Variants in TMEM117 observed in about 807,000 individuals in gnomAD.
TMEM117 encodes the protein transmembrane protein 117.
TMEM117 carries 27 observed loss-of-function variants against 52.4 expected under a neutral mutation model. The observed-to-expected ratio is 0.51, with a 90% CI of 0.38 to 0.71. The LOEUF is 0.71. Ranked by LOEUF, TMEM117 falls within the 30% of genes least tolerant of loss-of-function variation. TMEM117 has a pLI of 0.00. For missense variants in TMEM117, 556 were observed against 630.5 expected (o/e 0.88, Z 1.26); for synonymous variants, 215 against 206.3 (o/e 1.04, Z -0.36).
intron 5 of TMEM117, among the ~76,000 whole-genome samples, chr12:44,247,408 A>G (rs1419905153): frequency 6.6e-6 from 1 of 152,222 alleles, no homozygotes; most frequent in Non-Finnish European, 1.5e-5. Context: ...CCAGAGAAAC[A>G]AGGATATATT....
chr12:43,977,425 A>G (rs1448794518), intron 3 of TMEM117, among the ~76,000 whole-genome samples: 2 of 152,152 alleles, frequency 1.3e-5, no homozygotes, highest in Admixed American at 1.3e-4. Context: ...CTGAGGGGGT[A>G]TGAACACAAG....
chr12:44,398,485 A>G, the TMEM117 span, among the ~76,000 whole-genome samples: 1 of 152,172 alleles, frequency 6.6e-6, no homozygotes, highest in Non-Finnish European at 1.5e-5. Flanking sequence ...CCTCCAATCA[A>G]ATGGTCTCGG....
intron 4 of TMEM117, among the ~76,000 whole-genome samples, chr12:44,208,216 A>C (rs1203728174): frequency 6.6e-6 from 1 of 152,118 alleles, no homozygotes; most frequent in Non-Finnish European, 1.5e-5. Context: ...ATTGTACAAT[A>C]TGTATTCTAA....
chr12:44,141,545 G>A (rs759366656), intron 3 of TMEM117, among the ~76,000 whole-genome samples: 1 of 152,038 alleles, frequency 6.6e-6, no homozygotes, highest in Non-Finnish European at 1.5e-5. Context: ...TTATACAAAT[G>A]TATGCAATTA....
chr12:44,123,760 G>A (rs1948276027), intron 3 of TMEM117, among the ~76,000 whole-genome samples: 1 of 152,074 alleles, frequency 6.6e-6, no homozygotes, highest in Admixed American at 6.6e-5. Context: ...ATTGGTATAT[G>A]TGTCCGTTTT....
chr12:43,846,566 C>T (rs536719005), intron 2 of TMEM117, among the ~76,000 whole-genome samples: 1 of 152,164 alleles, frequency 6.6e-6, no homozygotes, highest in East Asian at 1.9e-4. Context: ...ATGCCAGACA[C>T]AATTCTAGAC....
At chr12:44,268,157 A>G (rs1166056491) in intron 5 of TMEM117, among the ~76,000 whole-genome samples, 1 of 147,352 alleles carries the variant, frequency 6.8e-6, no homozygotes, top group East Asian at 2.0e-4. Flanking sequence ...TTTTTTTTTG[A>G]GACAGAGTCT....
downstream of TMEM117, among the ~76,000 whole-genome samples, chr12:44,393,269 C>T (rs2138884671): frequency 6.6e-6 from 1 of 152,168 alleles, no homozygotes; most frequent in East Asian, 1.9e-4. Context: ...ACTTACATAA[C>T]TGAGAAAGAC....
rs542660848 is a variant in TMEM117, at chr12:44,051,115, A to G, written c.411-92410A>G. Among the ~76,000 whole-genome samples the G allele has an allele frequency of 1.6e-4, 24 of 152,324 alleles. No homozygotes were observed. In the Middle Eastern group the frequency reaches 0.014, roughly 86 times the overall value. ...CATTTCCAAGTGTGTTGCCAACTGC[A>G]TATAAAATTCAGAGTGGGAAGCTCA... is the stretch of plus-strand genomic sequence containing the variant. On this transcript the variant is annotated intron_variant, in intron 3 of 7. Coordinates refer to ENST00000266534, the MANE Select transcript of TMEM117 (RefSeq NM_032256.3).
chr12:43,887,850 GTGGC>G (rs1350068378), intron 2 of TMEM117, among the ~76,000 whole-genome samples: 1 of 152,218 alleles, frequency 6.6e-6, no homozygotes, highest in African/African-American at 2.4e-5. Flanking sequence ...GAAAGGGGCT[GTGGC>G]TGTAAGAGTA....
At chr12:44,014,644 G>A (rs1238762857) in intron 3 of TMEM117, among the ~76,000 whole-genome samples, 1 of 152,072 alleles carries the variant, frequency 6.6e-6, no homozygotes, top group Non-Finnish European at 1.5e-5. Context: ...TCCACAGGTG[G>A]TGTACTCTCT....
intron 1 of TMEM117, 25 bp downstream of exon 1, chr12:43,836,221 G>C (rs888466928): frequency 2.0e-5 from 3 of 152,236 alleles, no homozygotes; most frequent in African/African-American, 7.2e-5. Flanking sequence ...CCGGGCGTTG[G>C]GCGAGCCTCC....
intron 4 of TMEM117, among the ~76,000 whole-genome samples, chr12:44,204,819 A>G (rs1949543507): frequency 6.6e-6 from 1 of 152,180 alleles, no homozygotes; most frequent in Non-Finnish European, 1.5e-5. Context: ...TCCCTATTCA[A>G]TAAATCGTGC....
chr12:44,171,856 G>C (rs959691130), intron 4 of TMEM117, among the ~76,000 whole-genome samples: 8 of 152,132 alleles, frequency 5.3e-5, no homozygotes, highest in Admixed American at 3.9e-4. Flanking sequence ...AAGGAGAGAA[G>C]TATGAGAAGG....
intron 5 of TMEM117, among the ~76,000 whole-genome samples, chr12:44,263,246 A>G (rs1363570721): frequency 1.3e-5 from 2 of 152,206 alleles, no homozygotes; most frequent in Non-Finnish European, 2.9e-5. Context: ...AAAACATATG[A>G]AAAAAAGCTC....
At chr12:44,152,141 T>G (rs1430665351) in intron 4 of TMEM117, among the ~76,000 whole-genome samples, 3 of 112,024 alleles carry the variant, frequency 2.7e-5, no homozygotes, top group Non-Finnish European at 4.9e-5. Flanking sequence ...TTTATATTAT[T>G]TATATATTTA....
intron 4 of TMEM117, among the ~76,000 whole-genome samples, chr12:44,175,973 A>G (rs1949111158): frequency 6.6e-6 from 1 of 152,212 alleles, no homozygotes; most frequent in Non-Finnish European, 1.5e-5. Context: ...AGGTGAAGAT[A>G]AAGAACAGCA....
At chr12:44,394,170 A>G (rs1952172036), downstream of TMEM117, among the ~76,000 whole-genome samples, 1 of 152,226 alleles carries the variant, frequency 6.6e-6, no homozygotes, top group Non-Finnish European at 1.5e-5. Context: ...ATCCTTATCC[A>G]GGTATCAAGA....
At chr12:44,344,771 C>G (rs944200456) in intron 6 of TMEM117, among the ~76,000 whole-genome samples, 1 of 152,024 alleles carries the variant, frequency 6.6e-6, no homozygotes, top group African/African-American at 2.4e-5. Context: ...TGTCCAGTCA[C>G]ATAGTTACAT....
Sources: gnomAD v4.1 joint callset for allele counts (sites outside exome capture counted in the v4.1 genomes callset) on GRCh38, gnomAD v4.1.1 for gene constraint, MANE v1.5 for transcripts, NCBI Gene and HGNC (gene_info 2026-07-23, HGNC 2026-07-21) for gene names.